The following PTPRC variants were observed in gnomAD, a reference collection of about 807,000 sequenced individuals.
The protein encoded by PTPRC is protein tyrosine phosphatase receptor type C.
A neutral mutation model predicts 155.9 loss-of-function variants in PTPRC; 44 were observed. The ratio of observed to expected loss-of-function variants is 0.28; its 90% CI spans 0.22 to 0.36. The LOEUF (loss-of-function observed/expected upper bound fraction) is 0.36, where lower values mean the gene tolerates loss of function less well. PTPRC is among the 10% of genes least tolerant of loss of function. The pLI is 1.00. For synonymous variants in PTPRC, 525 were observed against 533.1 expected (o/e 0.98, Z 0.21); for missense variants, 1,401 against 1,564.6 (o/e 0.90, Z 1.76).
At chr1:198,703,219 T>A in intron 6 of PTPRC, 79 bp from the exon 7 acceptor site, 1 of 1,599,400 alleles carries the variant, frequency 6.3e-7, no homozygotes, top group Non-Finnish European at 8.5e-7. Context: ...TAGGAAATTA[T>A]CTTTGCTAAA....
At chr1:198,683,448 A>C (rs1330386241) in intron 2 of PTPRC, among the ~76,000 whole-genome samples, 1 of 152,156 alleles carries the variant, frequency 6.6e-6, no homozygotes, top group African/African-American at 2.4e-5. Flanking sequence ...TGCATAAATC[A>C]GGTATATATC....
chr1:198,753,700 A>ATCTT (rs1169293733), intron 31 of PTPRC, among the ~76,000 whole-genome samples: 2 of 152,030 alleles, frequency 1.3e-5, no homozygotes, highest in Non-Finnish European at 2.9e-5. Context: ...TTTAAATTGA[A>ATCTT]TCTTTATGAT....
intron 23 of PTPRC, among the ~76,000 whole-genome samples, chr1:198,737,916 A>G (rs558141000): frequency 6.6e-6 from 1 of 151,556 alleles, no homozygotes; most frequent in East Asian, 2.0e-4. Flanking sequence ...TGTTGTTTTT[A>G]TCTATTGCAA....
At chr1:198,658,597 C>A (rs997033671) in intron 2 of PTPRC, among the ~76,000 whole-genome samples, 2 of 152,090 alleles carry the variant, frequency 1.3e-5, no homozygotes, top group Admixed American at 6.6e-5. Flanking sequence ...TGCTCTTTTA[C>A]AGACTAATTA....
At chr1:198,666,704 A>T (rs1452605762) in intron 2 of PTPRC, among the ~76,000 whole-genome samples, 1 of 152,208 alleles carries the variant, frequency 6.6e-6, no homozygotes, top group Non-Finnish European at 1.5e-5. Flanking sequence ...TCTTAACATA[A>T]CACTCCTTTC....
At chr1:198,724,292 G>A (rs1028220502) in intron 15 of PTPRC, among the ~76,000 whole-genome samples, 3 of 152,132 alleles carry the variant, frequency 2.0e-5, no homozygotes, top group African/African-American at 7.2e-5. Context: ...CAGCTACTAG[G>A]GATGTGTTGT....
chr1:198,695,499 C>A (rs1368184905), intron 3 of PTPRC, among the ~76,000 whole-genome samples: 1 of 135,662 alleles, frequency 7.4e-6, no homozygotes, highest in Admixed American at 7.5e-5. Flanking sequence ...TTTTTTAACA[C>A]ATTTGGTATA....
chr1:198,692,851 T>C, intron 3 of PTPRC: 1 of 900,456 alleles, frequency 1.1e-6, no homozygotes, highest in Non-Finnish European at 1.3e-6. Flanking sequence ...TATTTTTAAA[T>C]AATAATTTTC....
At chr1:198,666,440 G>C (rs935632087) in intron 2 of PTPRC, among the ~76,000 whole-genome samples, 1 of 152,014 alleles carries the variant, frequency 6.6e-6, no homozygotes, top group Admixed American at 6.6e-5. Context: ...TTTGGTATAT[G>C]TAATACCCAT....
At chr1:198,715,234 C>T (rs1047930733) in intron 12 of PTPRC, among the ~76,000 whole-genome samples, 2 of 151,814 alleles carry the variant, frequency 1.3e-5, no homozygotes, top group Non-Finnish European at 2.9e-5. Context: ...GCCATTCTCC[C>T]GCCTCAGCCT....
At chr1:198,711,066 C>T (rs986558163) in intron 11 of PTPRC, among the ~76,000 whole-genome samples, 10 of 152,038 alleles carry the variant, frequency 6.6e-5, no homozygotes, top group South Asian at 2.1e-4. Flanking sequence ...CCTCATGATC[C>T]GCCCACCTTG....
chr1:198,686,285 G>T (rs781770339), intron 2 of PTPRC, among the ~76,000 whole-genome samples: 2 of 152,010 alleles, frequency 1.3e-5, no homozygotes, highest in Non-Finnish European at 2.9e-5. Flanking sequence ...ATGGGAAAAA[G>T]AGCTCTTAGA....
chr1:198,728,814 C>T (rs1219086963), intron 16 of PTPRC, among the ~76,000 whole-genome samples: 1 of 152,016 alleles, frequency 6.6e-6, no homozygotes, highest in African/African-American at 2.4e-5. Flanking sequence ...CAGAAACAAC[C>T]ACATCTTATG....
Position 198,731,672 on chromosome 1 carries a change from A to C in PTPRC, c.1920A>C (p.Glu640Asp). ...CAATCCATGCAGATATTTTGTTGGA[A>C]ACTTATAAGAGGAAGATTGCTGATG... is the stretch of plus-strand genomic sequence containing the variant. ...VEPIHADILL[E>D]TYKRKIADEG... The change falls in exon 18 of 33, where the codon GAA (glutamate) becomes GAC (aspartate). Residue 640 changes from glutamate (E) to aspartate (D), a missense_variant. This residue lies in a region of PTPRC where 867 missense variants were observed against 970.4 expected (regional missense o/e 0.89). Transcript: ENST00000442510. The C allele has an allele frequency of 6.2e-7, 1 of 1,611,876 alleles. No individual in the cohort carries two copies. Among genetic ancestry groups the C allele is most frequent in the South Asian group, 1.1e-5 (1 of 91,056 alleles).
chr1:198,752,894 G>T (rs1655452827), intron 31 of PTPRC, 122 bp downstream of exon 31: 1 of 1,037,102 alleles, frequency 9.6e-7, no homozygotes, highest in Non-Finnish European at 1.5e-6. Context: ...ACTTCTTATG[G>T]AGTCGGTCAC....
At position 198,713,029 on chromosome 1, in the gene PTPRC, A is replaced by G; in HGVS notation, c.1248A>G (p.Gln416=). ...HQGVITWNPP[Q]RSFHNFTLCY... ...GAGTAATTACCTGGAATCCCCCTCA[A>G]AGATCATTTCATAATTTTACCCTCT... Residue 416 remains glutamine (Q), a synonymous_variant, in exon 12 of 33, where the codon CAA becomes CAG. Transcript: ENST00000442510. 1 of 1,613,874 alleles carries G rather than the reference A, an allele frequency of 6.2e-7. No individual in the cohort carries two copies. The highest frequency in any genetic ancestry group is 8.5e-7 in the Non-Finnish European group (1 of 1,179,812).
At chr1:198,749,921 C>T (rs1456468273) in intron 28 of PTPRC, among the ~76,000 whole-genome samples, 1 of 151,808 alleles carries the variant, frequency 6.6e-6, no homozygotes, top group Non-Finnish European at 1.5e-5. Context: ...TGGTTAGAAA[C>T]TTTTCATTCA....
At chr1:198,717,503 C>A (rs749358561) in intron 13 of PTPRC, among the ~76,000 whole-genome samples, 1 of 152,190 alleles carries the variant, frequency 6.6e-6, no homozygotes, top group Non-Finnish European at 1.5e-5. Flanking sequence ...CCCTAACGGG[C>A]ACTAGACTTG....
intron 2 of PTPRC, among the ~76,000 whole-genome samples, chr1:198,665,809 A>G (rs1413737123): frequency 6.6e-6 from 1 of 152,204 alleles, no homozygotes; most frequent in East Asian, 1.9e-4. Context: ...TTGGCAAATA[A>G]TTAAATTGGC....
Sources: gnomAD v4.1 joint callset for allele counts (sites outside exome capture counted in the v4.1 genomes callset) on GRCh38, gnomAD v4.1.1 for gene constraint, gnomAD v4.1.1 regional missense constraint, MANE v1.5 for transcripts, NCBI Gene and HGNC (gene_info 2026-07-23, HGNC 2026-07-21) for gene names.